The following CCDC81 variants were observed in gnomAD, a reference collection of about 807,000 sequenced individuals.
The protein encoded by CCDC81 is coiled-coil domain-containing protein 81.
CCDC81 carries 79 observed loss-of-function variants against 83.7 expected under a neutral mutation model. The observed-to-expected ratio is 0.94, with a 90% CI of 0.79 to 1.14. The LOEUF (loss-of-function observed/expected upper bound fraction) is 1.14. Among genes scored for constraint, CCDC81 ranks in the 50% most tolerant of loss-of-function variants. CCDC81 has a pLI of 0.00. For missense variants in CCDC81, 791 were observed against 778.1 expected (o/e 1.02, Z -0.20); for synonymous variants, 252 against 278.1 (o/e 0.91, Z 0.93).
chr11:86,399,012 T>C (rs1948447109), intron 6 of CCDC81, among the ~76,000 whole-genome samples: 1 of 152,260 alleles, frequency 6.6e-6, no homozygotes. Context: ...TTTCTAATTT[T>C]ACTATATGTG....
At chr11:86,385,283 G>A (rs1948226630) in intron 1 of CCDC81, among the ~76,000 whole-genome samples, 2 of 152,144 alleles carry the variant, frequency 1.3e-5, no homozygotes. Flanking sequence ...TACTCGGGAG[G>A]CTGAGGCAGG....
chr11:86,375,059 C>A lies in CCDC81; in HGVS notation c.-105C>A, dbSNP rs1048183460. 1 of 966,444 alleles carries A rather than the reference C, an allele frequency of 1.0e-6. No homozygotes were observed. The highest frequency in any genetic ancestry group is 1.7e-6 in the Non-Finnish European group (1 of 594,672). 59.9% of individuals were successfully genotyped at this position (966,444 alleles called of 1,614,324 possible). ...TATTTTTAAGGCACATCCAAAGCTCCGTGGAGAAGGGGCTGGAGGGTGGGA... is the reference window on the plus strand; with the variant it reads ...TATTTTTAAGGCACATCCAAAGCTCAGTGGAGAAGGGGCTGGAGGGTGGGA... On this transcript the variant is annotated 5_prime_UTR_variant, in exon 1 of 15. Coordinates refer to ENST00000445632, the MANE Select transcript of CCDC81 (RefSeq NM_001156474.2).
intron 13 of CCDC81, among the ~76,000 whole-genome samples, chr11:86,415,704 T>A (rs954161792): frequency 6.6e-6 from 1 of 152,140 alleles, no homozygotes; most frequent in African/African-American, 2.4e-5. Flanking sequence ...GACAGGGTTT[T>A]GCTCTGTCAC....
At position 86,415,282 on chromosome 11, in the gene CCDC81, G is replaced by A. The variant is rs1948701966; in HGVS notation, c.1660G>A (p.Asp554Asn). 6.2e-7 allele frequency: 1 copy of A among 1,614,114 alleles called. No homozygotes were observed. The highest frequency in any genetic ancestry group is 8.5e-7 in the Non-Finnish European group (1 of 1,180,010). ...ILHQLVDQRR[D>N]LQMLQRTQRE... ...GCATCAACTAGTGGACCAGAGGCGGGATTTGCAAATGCTTCAGAGGACACA... is the reference window on the plus strand; with the variant it reads ...GCATCAACTAGTGGACCAGAGGCGGAATTTGCAAATGCTTCAGAGGACACA... Residue 554 changes from aspartate to asparagine, a missense_variant, in exon 13 of 15, where the codon GAT becomes AAT. Transcript: ENST00000445632.
chr11:86,421,051 G>A (rs1185277021), intron 14 of CCDC81, among the ~76,000 whole-genome samples: 1 of 152,172 alleles, frequency 6.6e-6, no homozygotes, highest in African/African-American at 2.4e-5. Context: ...AATGTTGAGT[G>A]GCAGGCTAAC....
chr11:86,410,059 A>C (rs1301706023), intron 10 of CCDC81, among the ~76,000 whole-genome samples: 2 of 152,210 alleles, frequency 1.3e-5, no homozygotes, highest in African/African-American at 4.8e-5. Context: ...CTGAATGGGC[A>C]TCTATGGTGG....
Position 86,397,767 on chromosome 11 carries a change from A to G in CCDC81, c.757+25A>G, listed in dbSNP as rs745580693. 15 of 1,606,186 alleles carry G rather than the reference A, an allele frequency of 9.3e-6. 1 individual carries two copies. Among genetic ancestry groups the G allele is most frequent in the Admixed American group, 6.8e-5 (4 of 58,904 alleles). ...GGTAGGCCAATGATTTCTGGGTCCA[A>G]TCTGTCACTCTTTACTGCTATGAGC... On this transcript the variant is annotated intron_variant, in intron 6 of 14. Coordinates refer to ENST00000445632, the MANE Select transcript of CCDC81 (RefSeq NM_001156474.2).
chr11:86,397,665 T>C lies in CCDC81; in HGVS notation c.680T>C (p.Leu227Pro), dbSNP rs1333453632. Residue 227 changes from leucine to proline, a missense_variant, in exon 6 of 15, where the codon CTT becomes CCT. Transcript: ENST00000445632. ...GAAAACAAACTGCCTATGGAGACCC[T>C]TGTAGAAGAATGTGGAGAGAATAGA... The part of the protein sequence containing the change: ...EMENKLPMET[L>P]VEECGENRER... The C allele has an allele frequency of 6.2e-7, 1 of 1,613,726 alleles. No homozygotes were observed. The highest frequency in any genetic ancestry group is 1.1e-5 in the South Asian group (1 of 91,034).
chr11:86,391,096 G>C (rs971897089), intron 3 of CCDC81, among the ~76,000 whole-genome samples: 2 of 152,210 alleles, frequency 1.3e-5, no homozygotes, highest in Non-Finnish European at 2.9e-5. Context: ...CAATCTATGA[G>C]ATGATAGTGT....
At chr11:86,420,982 G>T (rs1565773749) in intron 14 of CCDC81, among the ~76,000 whole-genome samples, 1 of 152,166 alleles carries the variant, frequency 6.6e-6, no homozygotes, top group African/African-American at 2.4e-5. Flanking sequence ...GATTTTAGTT[G>T]TGTCTAGGAA....
chr11:86,387,514 A>G lies in CCDC81; in HGVS notation c.142-2A>G, dbSNP rs138206062. On this transcript the variant is annotated splice_acceptor_variant, in intron 2 of 14. Transcript: ENST00000445632. LOFTEE classifies it high-confidence loss of function. ...CTGTTTTGTTTTGTTTTTTCCTTTC[A>G]GGGGGTTCAGATTCCAGCATTTGGA... 6.2e-7 allele frequency: 1 copy of G among 1,613,070 alleles called. No individual in the cohort carries two copies. The highest frequency in any genetic ancestry group is 1.3e-5 in the African/African-American group (1 of 74,850).
intron 2 of CCDC81, among the ~76,000 whole-genome samples, chr11:86,386,426 T>C (rs1012687983): frequency 1.7e-4 from 26 of 152,238 alleles, no homozygotes; most frequent in African/African-American, 6.3e-4. Context: ...TGTTTGTCTG[T>C]GATCTGATAG....
intron 1 of CCDC81, among the ~76,000 whole-genome samples, chr11:86,380,704 T>C (rs966071866): frequency 6.6e-6 from 1 of 152,196 alleles, no homozygotes; most frequent in Non-Finnish European, 1.5e-5. Context: ...TACTAAGTCA[T>C]GTCCAGTCCA....
chr11:86,400,712 A>G lies in CCDC81; in HGVS notation c.792A>G (p.Gln264=). Residue 264 remains glutamine (Q), a synonymous_variant, in exon 7 of 15, where the codon CAA becomes CAG. Coordinates refer to ENST00000445632, the MANE Select transcript of CCDC81 (RefSeq NM_001156474.2). ...CACCCAAAAGACTTCGAGATAGACAAGCTTTGTTCCCTGCCAAAGTGACAA... is the reference window on the plus strand; with the variant it reads ...CACCCAAAAGACTTCGAGATAGACAGGCTTTGTTCCCTGCCAAAGTGACAA... ...ISSPKRLRDR[Q]ALFPAKVTNV... The G allele has an allele frequency of 6.2e-7, 1 of 1,612,602 alleles. No individual in the cohort carries two copies. Among genetic ancestry groups the G allele is most frequent in the Non-Finnish European group, 8.5e-7 (1 of 1,178,844 alleles).
intron 5 of CCDC81, among the ~76,000 whole-genome samples, chr11:86,396,545 T>C (rs1481873684): frequency 6.6e-6 from 1 of 152,170 alleles, no homozygotes. Context: ...TTCTGAGATG[T>C]TTTGAGTGTG....
In CCDC81 at chr11:86,380,474, T is replaced by C. The variant is rs949016792; in HGVS notation, c.79+5232T>C. Among the ~76,000 whole-genome samples the C allele has an allele frequency of 4.6e-5, 7 of 152,198 alleles. No individual in the cohort carries two copies. The East Asian group carries it at 1.3e-3, about 29-fold the overall frequency. ...CCAGCTTGGTGTTATTTGAGCTTCCTGGATCTGTGGTTTCATGTCTGACAT... is the reference window on the plus strand; with the variant it reads ...CCAGCTTGGTGTTATTTGAGCTTCCCGGATCTGTGGTTTCATGTCTGACAT... On this transcript the variant is annotated intron_variant, in intron 1 of 14. Coordinates refer to ENST00000445632, the MANE Select transcript of CCDC81 (RefSeq NM_001156474.2).
chr11:86,395,600 A>G (rs1345153778), intron 5 of CCDC81, among the ~76,000 whole-genome samples, 187 bp downstream of exon 5: 3 of 152,172 alleles, frequency 2.0e-5, no homozygotes, highest in African/African-American at 7.2e-5. Context: ...GTTAAGTTAA[A>G]TAACAATGGA....
intron 2 of CCDC81, 48 bp downstream of exon 2, chr11:86,386,160 T>TTATTAATAAA (rs1388173898): frequency 1.5e-6 from 1 of 683,486 alleles, no homozygotes; most frequent in Non-Finnish European, 2.1e-6. Flanking sequence ...ATTTATTAAT[T>TTATTAATAAA]TTAATGTAGG....
At position 86,420,105 on chromosome 11, in the gene CCDC81, C is replaced by T. The variant is rs752949904; in HGVS notation, c.1817+52C>T. The T allele has an allele frequency of 7.4e-5, 118 of 1,589,324 alleles. 1 individual carries two copies. The highest frequency in any genetic ancestry group is 4.7e-4 in the South Asian group (41 of 86,978). On this transcript the variant is annotated intron_variant, in intron 14 of 14. Transcript: ENST00000445632. ...TCTCCTGCTCCTTGTGGGACAGCAA[C>T]AGGTTTCAAGTGGAACTCCACTTGA... is the stretch of plus-strand genomic sequence containing the variant.
Sources: allele counts gnomAD v4.1 joint callset (sites outside exome capture counted in the v4.1 genomes callset), GRCh38; gene constraint gnomAD v4.1.1; transcripts MANE v1.5; gene names NCBI Gene and HGNC (gene_info 2026-07-23, HGNC 2026-07-21).